The following NR6A1 variants were observed in gnomAD, a reference collection of about 807,000 sequenced individuals.
NR6A1 encodes the protein nuclear receptor subfamily 6 group A member 1.
A neutral mutation model predicts 59.1 loss-of-function variants in NR6A1; 7 were observed. The observed-to-expected ratio is 0.12, with a 90% CI of 0.07 to 0.22. The LOEUF (loss-of-function observed/expected upper bound fraction) is 0.22, where lower values mean the gene tolerates loss of function less well. Ranked by LOEUF, NR6A1 falls within the 10% of genes least tolerant of loss-of-function variation. The pLI is 1.00. For synonymous variants in NR6A1, 243 were observed against 236.1 expected (o/e 1.03, Z -0.27); for missense variants, 468 against 611.6 (o/e 0.77, Z 2.48).
chr9:124,599,383 C>CA, intron 2 of NR6A1: 1 of 364,438 alleles, frequency 2.7e-6, no homozygotes, highest in Non-Finnish European at 5.2e-6. Context: ...GGCGCCATTG[C>CA]ACTCCAGCCT....
intron 2 of NR6A1, among the ~76,000 whole-genome samples, chr9:124,558,844 A>C (rs1039425429): frequency 1.3e-5 from 2 of 151,290 alleles, no homozygotes; most frequent in Non-Finnish European, 2.9e-5. Flanking sequence ...CAACCACCCA[A>C]CCAACCAACC....
chr9:124,757,316 G>T (rs1179001480), intron 1 of NR6A1, among the ~76,000 whole-genome samples: 2 of 152,016 alleles, frequency 1.3e-5, no homozygotes, highest in Admixed American at 6.5e-5. Context: ...GGCCAGCAAT[G>T]AAAAACAATG....
intron 2 of NR6A1, among the ~76,000 whole-genome samples, chr9:124,622,401 G>A (rs1431245357): frequency 1.3e-5 from 2 of 152,122 alleles, no homozygotes; most frequent in South Asian, 2.1e-4. Flanking sequence ...GGTTCAGACC[G>A]GCAAAACAGC....
chr9:124,599,685 C>A (rs1835395290), intron 2 of NR6A1: 1 of 825,806 alleles, frequency 1.2e-6, no homozygotes, highest in Non-Finnish European at 1.6e-6. Context: ...GCCATGAAGT[C>A]CAAATTATGA....
At chr9:124,566,691 G>A (rs1834250691) in intron 2 of NR6A1, among the ~76,000 whole-genome samples, 1 of 152,174 alleles carries the variant, frequency 6.6e-6, no homozygotes, top group African/African-American at 2.4e-5. Context: ...AGAGAGGAGG[G>A]GATAGGAAAG....
intron 2 of NR6A1, among the ~76,000 whole-genome samples, chr9:124,700,030 A>T (rs573996891): frequency 9.8e-4 from 148 of 151,590 alleles, no homozygotes; most frequent in Middle Eastern, 3.4e-3. Flanking sequence ...CTTTTTTTTT[A>T]GTAGAGATGG....
chr9:124,731,424 T>C (rs1322755224), intron 2 of NR6A1, among the ~76,000 whole-genome samples: 1 of 151,520 alleles, frequency 6.6e-6, no homozygotes, highest in African/African-American at 2.4e-5. Context: ...TGAATTTATC[T>C]TTTCCTCCCC....
intron 2 of NR6A1, among the ~76,000 whole-genome samples, chr9:124,717,749 T>C (rs958364227): frequency 2.6e-5 from 4 of 152,208 alleles, no homozygotes; most frequent in African/African-American, 4.8e-5. Flanking sequence ...GACATGGACT[T>C]TGGGATCACA....
chr9:124,599,726 T>G (rs773822760), intron 2 of NR6A1: 1 of 464,768 alleles, frequency 2.2e-6, no homozygotes, highest in Non-Finnish European at 3.2e-6. Context: ...CACCAAGAGA[T>G]TGTTTCCACT....
rs1359229860 is a variant in NR6A1 at position 124,521,078 on chromosome 9, T to C, written c.*1627A>G. On this transcript the variant is annotated 3_prime_UTR_variant, in exon 10 of 10. Transcript: ENST00000487099. ...AGACAGCAAACAGCCTTTGACTAAA[T>C]AGGCAGAAGAAGGTGCCGTGGGCCC... is the stretch of plus-strand genomic sequence containing the variant. 1 of 152,352 alleles carries C rather than the reference T, an allele frequency of 6.6e-6. No individual in the cohort carries two copies. The highest frequency in any genetic ancestry group is 2.1e-4 in the South Asian group (1 of 4,824). The allele number at this position is 152,352 out of a possible 1,614,324, so 9.4% of individuals were successfully genotyped here.
At chr9:124,563,845 G>A (rs888586926) in intron 2 of NR6A1, among the ~76,000 whole-genome samples, 1 of 152,178 alleles carries the variant, frequency 6.6e-6, no homozygotes, top group South Asian at 2.1e-4. Flanking sequence ...TCAGGCTGGG[G>A]TGGGAGAATC....
At chr9:124,534,066 A>G (rs1263650397) in intron 7 of NR6A1, among the ~76,000 whole-genome samples, 1 of 147,894 alleles carries the variant, frequency 6.8e-6, no homozygotes, top group Non-Finnish European at 1.5e-5. Flanking sequence ...ACTAAGCATT[A>G]TAAGACTTTT....
At chr9:124,758,426 C>G in intron 1 of NR6A1, among the ~76,000 whole-genome samples, 1 of 152,220 alleles carries the variant, frequency 6.6e-6, no homozygotes, top group Middle Eastern at 3.4e-3. Context: ...CTTCTCAATG[C>G]TGAATGAGTT....
chr9:124,672,371 C>T (rs1044749720), intron 2 of NR6A1, among the ~76,000 whole-genome samples: 1 of 152,264 alleles, frequency 6.6e-6, no homozygotes, highest in South Asian at 2.1e-4. Context: ...AATCCCAGCA[C>T]TTTGGGAGGC....
intron 2 of NR6A1, among the ~76,000 whole-genome samples, chr9:124,606,835 G>C (rs1435352619): frequency 6.6e-6 from 1 of 152,170 alleles, no homozygotes; most frequent in Non-Finnish European, 1.5e-5. Flanking sequence ...CTGTCAATAG[G>C]AACTTGATAA....
intron 2 of NR6A1, among the ~76,000 whole-genome samples, chr9:124,657,748 C>A (rs192186126): frequency 9.2e-5 from 14 of 152,034 alleles, no homozygotes; most frequent in Middle Eastern, 3.2e-3. Flanking sequence ...GCTTCCCCCC[C>A]CCAGCAACCC....
chr9:124,703,096 G>C (rs886070439), intron 2 of NR6A1, among the ~76,000 whole-genome samples: 3 of 151,862 alleles, frequency 2.0e-5, no homozygotes, highest in Non-Finnish European at 2.9e-5. Flanking sequence ...GTAGAAACAG[G>C]GTTTCACCAT....
chr9:124,716,015 C>G (rs1839409101), intron 2 of NR6A1, among the ~76,000 whole-genome samples: 1 of 152,048 alleles, frequency 6.6e-6, no homozygotes, highest in Non-Finnish European at 1.5e-5. Flanking sequence ...CCAGCCTGAC[C>G]AACACAGTGA....
chr9:124,664,049 A>G (rs1476906691), intron 2 of NR6A1, among the ~76,000 whole-genome samples: 2 of 152,250 alleles, frequency 1.3e-5, no homozygotes, highest in African/African-American at 4.8e-5. Flanking sequence ...AGAATGAGAA[A>G]TTAAAATAAT....
Sources: gnomAD v4.1 joint callset for allele counts (sites outside exome capture counted in the v4.1 genomes callset) on GRCh38, gnomAD v4.1.1 for gene constraint, MANE v1.5 for transcripts, NCBI Gene and HGNC (gene_info 2026-07-23, HGNC 2026-07-21) for gene names.